The following FRYL variants were observed in gnomAD, a reference collection of about 807,000 sequenced individuals.
FRYL encodes FRY like transcription coactivator, also known as protein furry homolog-like.
In FRYL, 150 loss-of-function variants were observed where a neutral mutation model predicts 351.2. The observed-to-expected ratio is 0.43, with a 90% CI of 0.37 to 0.49. The LOEUF is 0.49. Among genes scored for constraint, FRYL ranks in the 20% least tolerant of loss-of-function variants. The pLI, the probability that FRYL is intolerant of heterozygous loss-of-function variation, is 0.00. For missense variants in FRYL, 3,036 were observed against 3,619.3 expected, an observed-to-expected ratio of 0.84 and a Z score of 4.13; for synonymous variants, 1,153 against 1,257.1, an observed-to-expected ratio of 0.92 and a Z score of 1.75.
At chr4:48,579,666 C>A (rs1351965667) in intron 22 of FRYL, among the ~76,000 whole-genome samples, 1 of 152,106 alleles carries the variant, frequency 6.6e-6, no homozygotes, top group Non-Finnish European at 1.5e-5. Context: ...TTCTTAAATA[C>A]TTGTTCAATA....
At chr4:48,557,375 A>G (rs2149029809) in intron 34 of FRYL, 78 bp downstream of exon 34, 2 of 1,532,562 alleles carry the variant, frequency 1.3e-6, no homozygotes, top group Non-Finnish European at 1.8e-6. Flanking sequence ...GGATTATGGA[A>G]CCTCTTCATC....
rs146885438 is a variant in FRYL, at chr4:48,572,069, T to C, written c.2904+1117A>G. ...TGCTGAATTAAAGGAGAATGAGGAA[T>C]TGCAGATGATGTTTCAAAGTCCCTA... On this transcript the variant is annotated intron_variant, in intron 26 of 63. Coordinates refer to ENST00000358350, the MANE Select transcript of FRYL (RefSeq NM_015030.2). The C allele has an allele frequency of 1.1e-4, 92 of 848,110 alleles. No individual in the cohort carries two copies. In the African/African-American group the frequency reaches 1.3e-3, roughly 12 times the overall value. The allele number at this position is 848,110 out of a possible 1,614,324, so 52.5% of individuals were successfully genotyped here. A position where few individuals can be genotyped will look rare whatever the true frequency, so the allele number is the denominator to read the frequency against.
chr4:48,628,593 T>C (rs908889057), intron 4 of FRYL, among the ~76,000 whole-genome samples: 6 of 152,042 alleles, frequency 3.9e-5, no homozygotes, highest in African/African-American at 1.2e-4. Context: ...GGGGGAATAA[T>C]TTCTAGTGTT....
intron 3 of FRYL, among the ~76,000 whole-genome samples, chr4:48,678,507 C>CAAAAAAAAAAAA (rs10639089): frequency 1.4e-5 from 1 of 71,768 alleles, no homozygotes; most frequent in African/African-American, 6.0e-5. Context: ...AACTCCATCT[C>CAAAAAAAAAAAA]AAAAAAAAAA....
At chr4:48,509,574 G>A (rs530109100) in intron 59 of FRYL, among the ~76,000 whole-genome samples, 2 of 152,286 alleles carry the variant, frequency 1.3e-5, no homozygotes, top group African/African-American at 2.4e-5. Flanking sequence ...TTTACTCTTA[G>A]GGAAGGAACA....
At chr4:48,513,447 C>T (rs887676472) in intron 56 of FRYL, among the ~76,000 whole-genome samples, 4 of 151,888 alleles carry the variant, frequency 2.6e-5, no homozygotes, top group Non-Finnish European at 1.5e-5. Flanking sequence ...CAAAAATGAA[C>T]AATGGAAAAA....
intron 2 of FRYL, among the ~76,000 whole-genome samples, chr4:48,690,209 G>A (rs1578734169): frequency 1.3e-5 from 2 of 152,010 alleles, no homozygotes; most frequent in South Asian, 4.2e-4. Flanking sequence ...CCGGCCAGTA[G>A]ATTGTTTTAC....
chr4:48,714,967 T>C (rs1411076173), intron 1 of FRYL, among the ~76,000 whole-genome samples: 7 of 151,762 alleles, frequency 4.6e-5, no homozygotes, highest in Admixed American at 6.6e-5. Context: ...GCTGGTTCAA[T>C]ATATGCAAAT....
At chr4:48,576,343 C>G in intron 23 of FRYL, 121 bp from the exon 24 acceptor site, 1 of 744,602 alleles carries the variant, frequency 1.3e-6, no homozygotes, top group Non-Finnish European at 2.0e-6. Context: ...ACTCTGTCAC[C>G]CAGGCCGGAG....
intron 3 of FRYL, among the ~76,000 whole-genome samples, chr4:48,666,151 G>A (rs556045874): frequency 2.0e-5 from 3 of 152,092 alleles, no homozygotes; most frequent in Non-Finnish European, 2.9e-5. Flanking sequence ...CACTTGAGGT[G>A]AGGAGTTTGA....
In FRYL at chr4:48,745,063, A is replaced by G. The variant is rs553087930; in HGVS notation, c.-383-34365T>C. ...AAATAAGGTCAAAAAGCTAGGCTGG[A>G]ATTTGGATAGATAGTCCAAGAGGGC... On this transcript the variant is annotated intron_variant, in intron 1 of 63. Coordinates refer to ENST00000358350, the MANE Select transcript of FRYL (RefSeq NM_015030.2). Among the ~76,000 whole-genome samples the G allele has an allele frequency of 2.6e-5, 4 of 152,320 alleles. No homozygotes were observed. The East Asian group carries it at 7.7e-4, about 29-fold the overall frequency.
intron 1 of FRYL, among the ~76,000 whole-genome samples, chr4:48,727,911 T>C (rs1425927355): frequency 6.6e-6 from 1 of 152,112 alleles, no homozygotes; most frequent in Non-Finnish European, 1.5e-5. Context: ...AACTATACTG[T>C]CCCACCTAAG....
At chr4:48,501,854 G>A in intron 61 of FRYL, 121 bp from the exon 62 acceptor site, 6 of 653,336 alleles carry the variant, frequency 9.2e-6, no homozygotes, top group South Asian at 7.4e-5. Context: ...AAGTTAATAT[G>A]GTATGAAGCT....
At chr4:48,713,812 A>C (rs1160537707) in intron 1 of FRYL, among the ~76,000 whole-genome samples, 2 of 152,220 alleles carry the variant, frequency 1.3e-5, no homozygotes, top group African/African-American at 4.8e-5. Flanking sequence ...AATCAACAGA[A>C]TATACATTTT....
chr4:48,601,547 T>A (rs1745699022), intron 13 of FRYL, among the ~76,000 whole-genome samples: 1 of 152,184 alleles, frequency 6.6e-6, no homozygotes, highest in African/African-American at 2.4e-5. Flanking sequence ...TTTCAGGAGC[T>A]TTTACATCTG....
intron 1 of FRYL, among the ~76,000 whole-genome samples, chr4:48,749,804 G>C (rs1773061909): frequency 6.6e-6 from 1 of 152,108 alleles, no homozygotes; most frequent in South Asian, 2.1e-4. Context: ...AATGTGGTCT[G>C]TGGCAATCCA....
intron 36 of FRYL, among the ~76,000 whole-genome samples, chr4:48,552,257 G>A (rs949895889): frequency 7.9e-6 from 1 of 127,382 alleles, no homozygotes; most frequent in East Asian, 2.1e-4. Flanking sequence ...GTGTGTGTGT[G>A]TGTGTGTGTG....
At chr4:48,666,600 A>G (rs1761757508) in intron 3 of FRYL, among the ~76,000 whole-genome samples, 1 of 152,152 alleles carries the variant, frequency 6.6e-6, no homozygotes, top group African/African-American at 2.4e-5. Flanking sequence ...CCCACTCTAA[A>G]CCTAGAAAAC....
chr4:48,675,169 C>A (rs992728047), intron 3 of FRYL, among the ~76,000 whole-genome samples: 1 of 152,204 alleles, frequency 6.6e-6, no homozygotes, highest in South Asian at 2.1e-4. Flanking sequence ...TGAGAGGTGA[C>A]AGCGCGCTGG....
Sources: gnomAD v4.1 joint callset for allele counts (sites outside exome capture counted in the v4.1 genomes callset) on GRCh38, gnomAD v4.1.1 for gene constraint, MANE v1.5 for transcripts, NCBI Gene and HGNC (gene_info 2026-07-23, HGNC 2026-07-21) for gene names.